CDIN1: variants seen among roughly 807,000 people sequenced by gnomAD.
CDIN1 encodes CDAN1-interacting nuclease 1.
Under a neutral mutation model 45.3 loss-of-function variants are expected in CDIN1, and 33 were observed. That is an observed-to-expected ratio of 0.73 (90% CI 0.55 to 0.97). The LOEUF is 0.97. CDIN1 is among the 50% of genes least tolerant of loss of function. The pLI is 0.00. For synonymous variants in CDIN1, 118 were observed against 124.4 expected (o/e 0.95, Z 0.34); for missense variants, 303 against 339.4 (o/e 0.89, Z 0.84).
chr15:36,756,921 G>A (rs938471823), intron 10 of CDIN1, among the ~76,000 whole-genome samples: 1 of 152,138 alleles, frequency 6.6e-6, no homozygotes, highest in African/African-American at 2.4e-5. Context: ...TAAATGACTT[G>A]TCAGGAGGGG....
At chr15:36,682,767 CAAAAAAAAA>C (rs10706117) in intron 5 of CDIN1, among the ~76,000 whole-genome samples, 4 of 61,392 alleles carry the variant, frequency 6.5e-5, no homozygotes, top group Admixed American at 3.4e-4. Context: ...AAGACCCTGC[CAAAAAAAAA>C]AAAAAAAAAA....
chr15:36,758,989 G>C (rs1379614399), intron 10 of CDIN1, among the ~76,000 whole-genome samples: 1 of 152,144 alleles, frequency 6.6e-6, no homozygotes, highest in Admixed American at 6.6e-5. Context: ...CTGGGGGTGA[G>C]AGTGGTTGGG....
chr15:36,679,273 T>A (rs1381967923), intron 5 of CDIN1, among the ~76,000 whole-genome samples: 1 of 152,200 alleles, frequency 6.6e-6, no homozygotes, highest in Non-Finnish European at 1.5e-5. Flanking sequence ...TGGCTGTCTC[T>A]CAAGCCTATG....
chr15:36,731,996 C>T (rs2043848697), intron 10 of CDIN1, among the ~76,000 whole-genome samples: 1 of 152,094 alleles, frequency 6.6e-6, no homozygotes, highest in East Asian at 1.9e-4. Flanking sequence ...CGTTACGTCA[C>T]AGTAGTATTG....
chr15:36,798,025 CAAAA>C (rs11307856), intron 10 of CDIN1, among the ~76,000 whole-genome samples: 4 of 93,560 alleles, frequency 4.3e-5, no homozygotes, highest in Admixed American at 1.2e-4. Context: ...GAGTTATTAG[CAAAA>C]AAAAAAAAAA....
intron 5 of CDIN1, among the ~76,000 whole-genome samples, chr15:36,671,382 G>T (rs1030734416): frequency 6.6e-6 from 1 of 152,122 alleles, no homozygotes; most frequent in African/African-American, 2.4e-5. Context: ...AGGATTGGGG[G>T]AAATTAGGTT....
intron 10 of CDIN1, among the ~76,000 whole-genome samples, chr15:36,765,460 G>A (rs1469916227): frequency 6.6e-6 from 1 of 152,064 alleles, no homozygotes; most frequent in African/African-American, 2.4e-5. Flanking sequence ...AACCAACACG[G>A]TAGGTGAGAT....
intron 10 of CDIN1, among the ~76,000 whole-genome samples, chr15:36,784,832 G>T (rs979456549): frequency 5.9e-5 from 9 of 151,946 alleles, no homozygotes; most frequent in Admixed American, 4.6e-4. Context: ...CATAATTGTT[G>T]CACCATGGTG....
chr15:36,711,297 C>G (rs116230684), intron 10 of CDIN1, among the ~76,000 whole-genome samples: 2 of 152,240 alleles, frequency 1.3e-5, no homozygotes, highest in South Asian at 4.1e-4. Flanking sequence ...GGGAGGCAGA[C>G]TGTTTCCCCA....
At chr15:36,595,981 G>C (rs4923717) in intron 1 of CDIN1, among the ~76,000 whole-genome samples, 88,652 of 151,988 alleles carry the variant, frequency 0.58, 26,151 homozygotes, top group Middle Eastern at 0.68. Context: ...TGCTTCAGTA[G>C]ATTTAATGAA....
intron 10 of CDIN1, among the ~76,000 whole-genome samples, chr15:36,741,462 T>C (rs2044235339): frequency 6.6e-6 from 1 of 151,748 alleles, no homozygotes; most frequent in South Asian, 2.1e-4. Flanking sequence ...GAAAAGCTTT[T>C]TTTTTTTTTT....
chr15:36,744,897 T>C (rs1400766232), intron 10 of CDIN1, among the ~76,000 whole-genome samples: 1 of 152,218 alleles, frequency 6.6e-6, no homozygotes, highest in Non-Finnish European at 1.5e-5. Context: ...ACCTGAATAC[T>C]GCCATGTCTA....
intron 4 of CDIN1, among the ~76,000 whole-genome samples, chr15:36,656,118 T>C (rs1347062568): frequency 6.6e-6 from 1 of 152,188 alleles, no homozygotes; most frequent in Non-Finnish European, 1.5e-5. Flanking sequence ...TAGGGAAATT[T>C]AGGAATGGCT....
At chr15:36,656,762 T>TG (rs1420239715) in intron 4 of CDIN1, among the ~76,000 whole-genome samples, 1 of 152,148 alleles carries the variant, frequency 6.6e-6, no homozygotes, top group Non-Finnish European at 1.5e-5. Flanking sequence ...TCTTTCTACT[T>TG]GGGGAATTTA....
At chr15:36,767,540 T>G (rs532303812) in intron 10 of CDIN1, among the ~76,000 whole-genome samples, 44 of 152,332 alleles carry the variant, frequency 2.9e-4, no homozygotes, top group South Asian at 1.0e-3. Flanking sequence ...TATAAATGTA[T>G]TAGTCACTGT....
intron 10 of CDIN1, among the ~76,000 whole-genome samples, chr15:36,769,942 C>G (rs1422869809): frequency 6.6e-6 from 1 of 152,136 alleles, no homozygotes; most frequent in Non-Finnish European, 1.5e-5. Flanking sequence ...CTCTATTGGG[C>G]CCTTATGAAA....
At chr15:36,716,949 C>T (rs2043235690) in intron 10 of CDIN1, among the ~76,000 whole-genome samples, 1 of 152,170 alleles carries the variant, frequency 6.6e-6, no homozygotes, top group Non-Finnish European at 1.5e-5. Flanking sequence ...TCTTTGTGAA[C>T]TCCACACCTA....
At chr15:36,703,402 T>TCA (rs1555397368) in intron 8 of CDIN1, among the ~76,000 whole-genome samples, 2 of 1,316 alleles carry the variant, frequency 1.5e-3, no homozygotes, top group African/African-American at 1.9e-3. Flanking sequence ...TATATATATA[T>TCA]GATATACATA....
At chr15:36,718,129 CTT>C (rs532550361) in intron 10 of CDIN1, among the ~76,000 whole-genome samples, 4 of 151,896 alleles carry the variant, frequency 2.6e-5, no homozygotes, top group African/African-American at 2.4e-5. Context: ...TGAGAAGACT[CTT>C]TTTTCTCCAC....
Sources: gnomAD v4.1 joint callset for allele counts (sites outside exome capture counted in the v4.1 genomes callset) on GRCh38, gnomAD v4.1.1 for gene constraint, MANE v1.5 for transcripts, NCBI Gene and HGNC (gene_info 2026-07-23, HGNC 2026-07-21) for gene names.